CNTNAP2: variants seen among roughly 807,000 people sequenced by gnomAD.
The protein encoded by CNTNAP2 is contactin-associated protein-like 2.
A neutral mutation model predicts 155.2 loss-of-function variants in CNTNAP2; 98 were observed. The ratio of observed to expected loss-of-function variants is 0.63; its 90% confidence interval spans 0.54 to 0.75. The LOEUF is 0.75. Among genes scored for constraint, CNTNAP2 ranks in the 30% least tolerant of loss-of-function variants. The probability of loss-of-function intolerance (pLI) is 0.00; values close to 1 mark genes in which losing one functional copy is unlikely to be tolerated. For synonymous variants in CNTNAP2, 651 were observed against 631.2 expected (o/e 1.03, Z -0.47); for missense variants, 1,727 against 1,688.1 (o/e 1.02, Z -0.40).
intron 1 of CNTNAP2, among the ~76,000 whole-genome samples, chr7:146,621,436 A>G (rs1799315041): frequency 1.3e-5 from 2 of 152,172 alleles, no homozygotes; most frequent in African/African-American, 4.8e-5. Context: ...CTAGCTCACC[A>G]TATTACATTT....
At chr7:146,971,160 A>T (rs944802408) in intron 3 of CNTNAP2, among the ~76,000 whole-genome samples, 4 of 152,218 alleles carry the variant, frequency 2.6e-5, no homozygotes, top group African/African-American at 9.6e-5. Context: ...ATACATATGT[A>T]ACTAACCTGC....
intron 9 of CNTNAP2, among the ~76,000 whole-genome samples, chr7:147,358,539 T>C (rs982752364): frequency 1.3e-5 from 2 of 152,068 alleles, no homozygotes; most frequent in African/African-American, 4.8e-5. Context: ...GTTTGAACGA[T>C]CTATAATTTT....
chr7:147,527,361 A>G (rs1799346119), intron 11 of CNTNAP2, among the ~76,000 whole-genome samples: 1 of 152,034 alleles, frequency 6.6e-6, no homozygotes, highest in Non-Finnish European at 1.5e-5. Flanking sequence ...AAATTAGAAA[A>G]CCAAGGTTTA....
chr7:146,774,486 C>A, intron 2 of CNTNAP2, 105 bp downstream of exon 2: 1 of 786,530 alleles, frequency 1.3e-6, no homozygotes. Context: ...TGGCAGACAC[C>A]AGAAATCACT....
chr7:147,798,493 G>T (rs1253919123), intron 13 of CNTNAP2, among the ~76,000 whole-genome samples: 1 of 152,176 alleles, frequency 6.6e-6, no homozygotes, highest in Non-Finnish European at 1.5e-5. Flanking sequence ...CTGGGTTTTT[G>T]TCCTGTACGT....
In CNTNAP2 at chr7:146,513,739, G is replaced by A. The variant is rs578185242; in HGVS notation, c.98-260532G>A. On this transcript the variant is annotated intron_variant, in intron 1 of 23. Transcript: ENST00000361727. ...TTTTCACATTGCAATGACAGTGTTA[G>A]AGTATTCTGAATTTGTCTGTGTACT... is the stretch of plus-strand genomic sequence containing the variant. Among the ~76,000 whole-genome samples, 4 of 152,066 alleles carry A rather than the reference G, an allele frequency of 2.6e-5. No individual in the cohort carries two copies. In the East Asian group the frequency reaches 7.7e-4, roughly 29 times the overall value.
chr7:146,983,717 A>T, intron 3 of CNTNAP2, among the ~76,000 whole-genome samples: 1 of 152,206 alleles, frequency 6.6e-6, no homozygotes, highest in East Asian at 1.9e-4. Flanking sequence ...GTTACGGTAC[A>T]GATATCTTCA....
At chr7:146,168,217 C>T (rs1330760780) in intron 1 of CNTNAP2, among the ~76,000 whole-genome samples, 1 of 152,092 alleles carries the variant, frequency 6.6e-6, no homozygotes, top group Non-Finnish European at 1.5e-5. Context: ...AATACTTTGC[C>T]TTCTTCAATC....
At position 147,243,749 on chromosome 7, in the gene CNTNAP2, C is replaced by T. The variant is rs184510085; in HGVS notation, c.1349-56392C>T. Among the ~76,000 whole-genome samples the T allele has an allele frequency of 2.7e-3, 409 of 152,272 alleles. 1 individual carries two copies. Among genetic ancestry groups the T allele is most frequent in the African/African-American group, 9.2e-3 (383 of 41,546 alleles). On this transcript the variant is annotated intron_variant, in intron 8 of 23. Coordinates refer to ENST00000361727, the MANE Select transcript of CNTNAP2 (RefSeq NM_014141.6). ...CACCAATTTTGATACATTTTATCCACATCTCCATTATCTGGTTAACATATC... is the reference window on the plus strand; with the variant it reads ...CACCAATTTTGATACATTTTATCCATATCTCCATTATCTGGTTAACATATC...
chr7:148,080,536 C>CAGAGCT (rs1803576614), intron 15 of CNTNAP2, among the ~76,000 whole-genome samples: 1 of 142,884 alleles, frequency 7.0e-6, no homozygotes, highest in Non-Finnish European at 1.5e-5. Context: ...ACCTGGGAGA[C>CAGAGCT]AGAGCTTGCA....
chr7:147,168,338 A>C lies in CNTNAP2; in HGVS notation c.1348+35829A>C, dbSNP rs140587910. ...TTAAAATGATATTTGGGAATTACTGATGTTATTTTAAGAGCTTGGTATGTC... is the reference window on the plus strand; with the variant it reads ...TTAAAATGATATTTGGGAATTACTGCTGTTATTTTAAGAGCTTGGTATGTC... On this transcript the variant is annotated intron_variant, in intron 8 of 23. Transcript: ENST00000361727. Among the ~76,000 whole-genome samples, 542 of 151,980 alleles carry C rather than the reference A, an allele frequency of 3.6e-3. 5 individuals carry two copies. Among genetic ancestry groups the C allele is most frequent in the African/African-American group, 0.012 (514 of 41,528 alleles).
intron 10 of CNTNAP2, among the ~76,000 whole-genome samples, chr7:147,458,445 C>T (rs998768566): frequency 1.3e-5 from 2 of 152,144 alleles, no homozygotes; most frequent in Non-Finnish European, 2.9e-5. Flanking sequence ...TGTTGCTTCT[C>T]TCTAACTTAT....
rs1371114717 is a variant in CNTNAP2, at chr7:147,011,703, A to G, written c.403-32204A>G. On this transcript the variant is annotated intron_variant, in intron 3 of 23. Coordinates refer to ENST00000361727, the MANE Select transcript of CNTNAP2 (RefSeq NM_014141.6). ...CATCTCCCCAGAGCAGGTCTTAGGA[A>G]CCAGAAGCCCTTTTTCCCAAAGCCA... Among the ~76,000 whole-genome samples, 3 of 152,116 alleles carry G rather than the reference A, an allele frequency of 2.0e-5. No homozygotes were observed. In the East Asian group the frequency reaches 5.8e-4, roughly 29 times the overall value.
intron 21 of CNTNAP2, among the ~76,000 whole-genome samples, chr7:148,284,073 A>G (rs1797037504): frequency 6.6e-6 from 1 of 152,264 alleles, no homozygotes; most frequent in African/African-American, 2.4e-5. Flanking sequence ...AACCTGCATC[A>G]CATGAATATG....
In CNTNAP2 at chr7:148,063,500, C is replaced by G. The variant is rs185323601; in HGVS notation, c.2384-54618C>G. 2.0e-3 allele frequency among the ~76,000 whole-genome samples: 295 copies of G among 151,214 alleles called. 1 individual carries two copies. Among genetic ancestry groups the G allele is most frequent in the Non-Finnish European group, 8.9e-4 (60 of 67,738 alleles). On this transcript the variant is annotated intron_variant, in intron 15 of 23. Coordinates refer to ENST00000361727, the MANE Select transcript of CNTNAP2 (RefSeq NM_014141.6). The stretch of plus-strand genomic sequence containing the variant: ...CTCTGTTTTTTATTTTGGATAGTTT[C>G]TATCACTGTCTTCAAGTTATCTAAT...
chr7:147,601,644 A>AAATATATATATAT (rs1299075338), intron 12 of CNTNAP2, among the ~76,000 whole-genome samples: 1 of 87,468 alleles, frequency 1.1e-5, no homozygotes, highest in South Asian at 3.7e-4. Flanking sequence ...CTTAAAAAAA[A>AAATATATATATAT]ATATATATAT....
intron 10 of CNTNAP2, among the ~76,000 whole-genome samples, chr7:147,404,615 A>G (rs1796973164): frequency 6.6e-6 from 1 of 152,158 alleles, no homozygotes; most frequent in Non-Finnish European, 1.5e-5. Flanking sequence ...ACTTATTCAT[A>G]ATATTAGATG....
intron 1 of CNTNAP2, among the ~76,000 whole-genome samples, chr7:146,762,389 A>C (rs1802117438): frequency 6.6e-6 from 1 of 152,098 alleles, no homozygotes; most frequent in African/African-American, 2.4e-5. Context: ...TGACAAAGTC[A>C]AGAGTTTGAG....
chr7:148,410,948 G>C (rs760026272), intron 23 of CNTNAP2, among the ~76,000 whole-genome samples: 1 of 152,090 alleles, frequency 6.6e-6, no homozygotes, highest in Non-Finnish European at 1.5e-5. Flanking sequence ...ACTATGACTT[G>C]ACCACTATTC....
Sources: gnomAD v4.1 joint callset for allele counts (sites outside exome capture counted in the v4.1 genomes callset) on GRCh38, gnomAD v4.1.1 for gene constraint, MANE v1.5 for transcripts, NCBI Gene and HGNC (gene_info 2026-07-23, HGNC 2026-07-21) for gene names.